Variants in LMBRD1 observed in about 807,000 individuals in gnomAD.
LMBRD1 encodes the protein lysosomal cobalamin transport escort protein LMBD1.
In LMBRD1, 64 loss-of-function variants were observed where a neutral mutation model predicts 74.8. That is an observed-to-expected ratio of 0.86 (90% CI 0.70 to 1.05). The LOEUF (loss-of-function observed/expected upper bound fraction) is 1.05, where lower values mean the gene tolerates loss of function less well. LMBRD1 is among the 50% of genes least tolerant of loss of function. The probability of loss-of-function intolerance (pLI) is 0.00; values close to 1 mark genes in which losing one functional copy is unlikely to be tolerated. For synonymous variants in LMBRD1, 204 were observed against 216.3 expected (o/e 0.94, Z 0.50); for missense variants, 652 against 645.9 (o/e 1.01, Z -0.10).
At chr6:69,771,354 C>T (rs920217590) in intron 3 of LMBRD1, among the ~76,000 whole-genome samples, 8 of 152,178 alleles carry the variant, frequency 5.3e-5, no homozygotes, top group Non-Finnish European at 1.2e-4. Context: ...CTCCATAAGG[C>T]AGTACACAAA....
rs960720093 is a variant in LMBRD1 at position 69,675,482 on chromosome 6, T to C, written c.*676A>G. 2.2e-4 allele frequency among the ~76,000 whole-genome samples: 33 copies of C among 152,288 alleles called. No individual in the cohort carries two copies. The highest frequency in any genetic ancestry group is 7.2e-4 in the African/African-American group (30 of 41,574). The stretch of plus-strand genomic sequence containing the variant: ...ATTCTTGACAATACCCCTATTTATA[T>C]TGAAATACACATTTTGAGGTCAGAT... On this transcript the variant is annotated 3_prime_UTR_variant, in exon 16 of 16. Coordinates refer to ENST00000649934, the MANE Select transcript of LMBRD1 (RefSeq NM_018368.4).
intron 7 of LMBRD1, among the ~76,000 whole-genome samples, chr6:69,721,030 G>A (rs961147409): frequency 1.3e-5 from 2 of 152,206 alleles, no homozygotes; most frequent in African/African-American, 4.8e-5. Flanking sequence ...TAGTGCCCAT[G>A]CATAGAAGGA....
intron 3 of LMBRD1, among the ~76,000 whole-genome samples, chr6:69,762,728 T>C (rs1403308526): frequency 1.3e-5 from 2 of 152,050 alleles, no homozygotes; most frequent in Non-Finnish European, 2.9e-5. Flanking sequence ...TAGGATCCCA[T>C]CATGGGACTG....
chr6:69,711,019 T>A (rs925586837), intron 9 of LMBRD1, among the ~76,000 whole-genome samples: 1 of 152,194 alleles, frequency 6.6e-6, no homozygotes, highest in African/African-American at 2.4e-5. Flanking sequence ...CATATTAGCA[T>A]TATTCATTAT....
In LMBRD1 at chr6:69,674,188, C is replaced by G. The variant is rs1201505211; in HGVS notation, c.*1970G>C. Among the ~76,000 whole-genome samples, 33 of 152,286 alleles carry G rather than the reference C, an allele frequency of 2.2e-4. 1 individual carries two copies. The highest frequency in any genetic ancestry group is 2.2e-3 in the Admixed American group (33 of 15,286). ...CATACACATTCTAGATGTCTCTCCC[C>G]CTTCTTATAAGAACACCAGTCATAT... On this transcript the variant is annotated 3_prime_UTR_variant, in exon 16 of 16. Transcript: ENST00000649934.
chr6:69,761,955 A>G (rs1159400325), intron 3 of LMBRD1, among the ~76,000 whole-genome samples: 1 of 152,228 alleles, frequency 6.6e-6, no homozygotes, highest in Admixed American at 6.5e-5. Context: ...GTTAACACAT[A>G]ATAAATATTT....
intron 6 of LMBRD1, among the ~76,000 whole-genome samples, chr6:69,739,294 CA>C (rs1562106638): frequency 1.3e-5 from 2 of 152,062 alleles, no homozygotes; most frequent in Non-Finnish European, 2.9e-5. Context: ...CCAAATAACT[CA>C]AAATTGATCA....
chr6:69,707,077 G>A (rs1374561750), intron 9 of LMBRD1, among the ~76,000 whole-genome samples: 1 of 152,168 alleles, frequency 6.6e-6, no homozygotes, highest in Non-Finnish European at 1.5e-5. Context: ...CCTTAAGGTT[G>A]TAGAGTTGGA....
At chr6:69,768,458 A>AT (rs11394375) in intron 3 of LMBRD1, among the ~76,000 whole-genome samples, 17,782 of 151,694 alleles carry the variant, frequency 0.12, 2,896 homozygotes, top group African/African-American at 0.37. Context: ...CAAAATATAT[A>AT]TTTTTTAAAA....
Position 69,698,650 on chromosome 6 carries a change from A to C in LMBRD1, c.1338+393T>G, listed in dbSNP as rs913786990. 3.9e-5 allele frequency among the ~76,000 whole-genome samples: 6 copies of C among 151,922 alleles called. No homozygotes were observed. The East Asian group carries it at 1.2e-3, about 29-fold the overall frequency. ...TTATCTACATATAAAATTTTTATAA[A>C]GCCTCTTCTAGGGGATTCATAGTGC... On this transcript the variant is annotated intron_variant, in intron 13 of 15. Transcript: ENST00000649934.
chr6:69,791,566 T>C (rs758670093), intron 1 of LMBRD1, among the ~76,000 whole-genome samples: 2 of 152,238 alleles, frequency 1.3e-5, no homozygotes, highest in East Asian at 1.9e-4. Flanking sequence ...ATAAGAGCTC[T>C]GGTAGTTTTA....
At chr6:69,725,626 C>T (rs1448535662) in intron 7 of LMBRD1, among the ~76,000 whole-genome samples, 1 of 152,068 alleles carries the variant, frequency 6.6e-6, no homozygotes, top group African/African-American at 2.4e-5. Flanking sequence ...CAAGAACATG[C>T]ATTGAGGAAA....
chr6:69,729,351 T>C (rs1766805414), intron 7 of LMBRD1, among the ~76,000 whole-genome samples: 1 of 151,632 alleles, frequency 6.6e-6, no homozygotes, highest in Non-Finnish European at 1.5e-5. Context: ...ATAGGTATAT[T>C]AACATTATTC....
chr6:69,762,772 T>A (rs1246257578), intron 3 of LMBRD1, among the ~76,000 whole-genome samples: 3 of 151,958 alleles, frequency 2.0e-5, no homozygotes, highest in Non-Finnish European at 4.4e-5. Context: ...GAGACCAGAG[T>A]TCAATCTCTG....
At chr6:69,778,887 C>T (rs1269747710) in intron 3 of LMBRD1, among the ~76,000 whole-genome samples, 1 of 152,088 alleles carries the variant, frequency 6.6e-6, no homozygotes, top group Non-Finnish European at 1.5e-5. Flanking sequence ...AGCAAAGCAG[C>T]TGAATTAAAA....
intron 5 of LMBRD1, among the ~76,000 whole-genome samples, chr6:69,749,056 A>G (rs543077970): frequency 1.3e-5 from 2 of 152,178 alleles, no homozygotes; most frequent in South Asian, 4.1e-4. Context: ...GCAGATTACC[A>G]AGAATTATAT....
chr6:69,729,753 T>C (rs1766815575), intron 7 of LMBRD1, among the ~76,000 whole-genome samples: 1 of 152,032 alleles, frequency 6.6e-6, no homozygotes, highest in Non-Finnish European at 1.5e-5. Flanking sequence ...AAATTTTTAA[T>C]TGTCCGAAGA....
intron 2 of LMBRD1, among the ~76,000 whole-genome samples, chr6:69,788,532 T>C (rs962567053): frequency 6.6e-6 from 1 of 152,174 alleles, no homozygotes; most frequent in Non-Finnish European, 1.5e-5. Context: ...TTTTATAGAA[T>C]TTAATTCTAA....
chr6:69,704,868 C>T (rs1766214857), intron 9 of LMBRD1, among the ~76,000 whole-genome samples: 1 of 143,662 alleles, frequency 7.0e-6, no homozygotes, highest in African/African-American at 2.6e-5. Context: ...TGTGTGATTC[C>T]TTTTGTTCTT....
Sources: allele counts gnomAD v4.1 joint callset (sites outside exome capture counted in the v4.1 genomes callset), GRCh38; gene constraint gnomAD v4.1.1; transcripts MANE v1.5; gene names NCBI Gene and HGNC (gene_info 2026-07-23, HGNC 2026-07-21).